The following PDE8A variants were observed in gnomAD, a reference collection of about 807,000 sequenced individuals.
The protein encoded by PDE8A is phosphodiesterase 8A, also known as high affinity cAMP-specific and IBMX-insensitive 3',5'-cyclic phosphodiesterase 8A.
Under a neutral mutation model 105.0 loss-of-function variants are expected in PDE8A, and 59 were observed. The observed-to-expected ratio is 0.56, with a 90% CI of 0.46 to 0.70. The LOEUF is 0.70. Among genes scored for constraint, PDE8A ranks in the 30% least tolerant of loss-of-function variants. The pLI is 0.00. For missense variants in PDE8A, 1,014 were observed against 1,045.9 expected (o/e 0.97, Z 0.42); for synonymous variants, 355 against 371.9 (o/e 0.95, Z 0.52).
chr15:85,096,289 C>T (rs1479302027), intron 8 of PDE8A, among the ~76,000 whole-genome samples: 1 of 151,798 alleles, frequency 6.6e-6, no homozygotes, highest in African/African-American at 2.4e-5. Context: ...TACAAGTCAC[C>T]CATTGAAAGT....
chr15:85,067,569 G>A lies in PDE8A; in HGVS notation c.434+365G>A, dbSNP rs547406159. 2.0e-5 allele frequency among the ~76,000 whole-genome samples: 3 copies of A among 152,180 alleles called. No homozygotes were observed. The South Asian group carries it at 6.2e-4, about 32-fold the overall frequency. On this transcript the variant is annotated intron_variant, in intron 3 of 21. Transcript: ENST00000394553. The stretch of plus-strand genomic sequence containing the variant: ...TTGTCTTTTAATGTTCGATGAATGG[G>A]CTTTATTTATTATACTTGCACCTTG...
At chr15:85,008,907 AG>A (rs1391534231) in intron 1 of PDE8A, among the ~76,000 whole-genome samples, 1 of 152,060 alleles carries the variant, frequency 6.6e-6, no homozygotes, top group African/African-American at 2.4e-5. Flanking sequence ...ATTCCACCTT[AG>A]TAAGCCTGTG....
intron 11 of PDE8A, among the ~76,000 whole-genome samples, chr15:85,105,129 G>A (rs894444595): frequency 6.6e-6 from 1 of 152,108 alleles, no homozygotes; most frequent in Non-Finnish European, 1.5e-5. Context: ...CAGGTGGTAT[G>A]GAATGGAACC....
intron 11 of PDE8A, among the ~76,000 whole-genome samples, chr15:85,107,418 G>A (rs947764938): frequency 6.6e-6 from 1 of 152,200 alleles, no homozygotes; most frequent in Non-Finnish European, 1.5e-5. Context: ...ACGATCGCTT[G>A]GCTGCCTGCA....
rs1365121052 is a variant in PDE8A at position 85,091,063 on chromosome 15, AAAC to A, written c.740_742del (p.Thr247del). 6.2e-7 allele frequency: 1 copy of A among 1,609,244 alleles called. No individual in the cohort carries two copies. The highest frequency in any genetic ancestry group is 1.1e-5 in the South Asian group (1 of 90,642). ...CTTCAGTATGCAAATCCTGCATTTG[AAAC>A]AACAATGGGCTATCAGTCAGGTGAA... On this transcript the variant is annotated inframe_deletion, in exon 8 of 22. Coordinates refer to ENST00000394553, the MANE Select transcript of PDE8A (RefSeq NM_002605.3).
intron 17 of PDE8A, among the ~76,000 whole-genome samples, chr15:85,118,409 C>A (rs914371494): frequency 6.6e-6 from 1 of 152,180 alleles, no homozygotes; most frequent in Admixed American, 6.5e-5. Context: ...TTCTCAGATT[C>A]ATCTCCTGCT....
rs901445896 is a variant in PDE8A at position 85,136,395 on chromosome 15, T to G, written c.2254-139T>G. The G allele has an allele frequency of 3.0e-5, 23 of 769,826 alleles. No homozygotes were observed. In the African/African-American group the frequency reaches 4.0e-4, roughly 13 times the overall value. 47.7% of individuals were successfully genotyped at this position (769,826 alleles called of 1,614,324 possible). On this transcript the variant is annotated intron_variant, in intron 20 of 21. Coordinates refer to ENST00000394553, the MANE Select transcript of PDE8A (RefSeq NM_002605.3). The stretch of plus-strand genomic sequence containing the variant: ...TATCTGTTATGAGACATGGTTTGGC[T>G]GCGTGAGGTGGTGATTGGCTTCTCA...
intron 8 of PDE8A, among the ~76,000 whole-genome samples, chr15:85,095,437 G>C (rs1023587578): frequency 6.6e-6 from 1 of 151,848 alleles, no homozygotes; most frequent in Admixed American, 6.6e-5. Context: ...TCTGCCTCTC[G>C]GGTTGAAGCA....
chr15:85,121,343 GGAGGCT>G (rs750500674), intron 18 of PDE8A, among the ~76,000 whole-genome samples: 16 of 142,048 alleles, frequency 1.1e-4, no homozygotes, highest in Non-Finnish European at 2.5e-4. Flanking sequence ...CTTGAGCCCA[GGAGGCT>G]GAGGCTGCGG....
chr15:85,061,061 T>C (rs974985844), intron 1 of PDE8A, among the ~76,000 whole-genome samples: 1 of 152,124 alleles, frequency 6.6e-6, no homozygotes, highest in Non-Finnish European at 1.5e-5. Context: ...GGAGATGTCT[T>C]AATTCCTCCC....
At position 85,123,109 on chromosome 15, in the gene PDE8A, C is replaced by T; in HGVS notation, c.2001C>T (p.Ala667=). ...AGGGGATTATCGACATGGTCTTAGC[C>T]ACAGAAATGACAAAGCACTTTGAGC... ...LRQGIIDMVL[A]TEMTKHFEHV... is the part of the protein sequence containing the mutation. The change falls in exon 19 of 22, where the codon GCC becomes GCT. Residue 667 remains alanine (A), a synonymous_variant. Coordinates refer to ENST00000394553, the MANE Select transcript of PDE8A (RefSeq NM_002605.3). The T allele has an allele frequency of 6.2e-7, 1 of 1,613,906 alleles. No homozygotes were observed. The highest frequency in any genetic ancestry group is 1.1e-5 in the South Asian group (1 of 91,070).
chr15:85,078,696 A>G (rs978344931), intron 5 of PDE8A, among the ~76,000 whole-genome samples: 3 of 152,192 alleles, frequency 2.0e-5, no homozygotes, highest in Non-Finnish European at 2.9e-5. Context: ...GATCCTCACA[A>G]GGAAATGCTA....
chr15:85,063,073 G>A (rs1476332667), intron 1 of PDE8A: 1 of 152,076 alleles, frequency 6.6e-6, no homozygotes, highest in Non-Finnish European at 1.5e-5. Context: ...CTCAGTCTTT[G>A]GTCTAGAATA....
intron 2 of PDE8A, 52 bp downstream of exon 2, chr15:85,064,478 G>A (rs758890048): frequency 4.3e-6 from 5 of 1,165,376 alleles, no homozygotes; most frequent in South Asian, 3.8e-5. Context: ...TTTAAAAAGG[G>A]TGGAGGTGGA....
At chr15:85,131,011 C>A (rs2141648377) in intron 20 of PDE8A, among the ~76,000 whole-genome samples, 1 of 152,332 alleles carries the variant, frequency 6.6e-6, no homozygotes. Flanking sequence ...CTCACCTCAA[C>A]CTCCCAAAGT....
At chr15:85,088,478 T>A (rs1567275980) in intron 6 of PDE8A, among the ~76,000 whole-genome samples, 1 of 152,284 alleles carries the variant, frequency 6.6e-6, no homozygotes, top group Non-Finnish European at 1.5e-5. Context: ...TTCCATTGTA[T>A]GGATATACCA....
rs182961297 is a variant in PDE8A at position 85,002,599 on chromosome 15, C to T, written c.186+20251C>T. ...ATTGGTTATCAGCTCAACTCTCAAC[C>T]CATTTCCTCTCCACTTGATCTTAGC... On this transcript the variant is annotated intron_variant, in intron 1 of 21. Coordinates refer to ENST00000394553, the MANE Select transcript of PDE8A (RefSeq NM_002605.3). 3.9e-4 allele frequency among the ~76,000 whole-genome samples: 60 copies of T among 152,340 alleles called. 1 individual carries two copies. The highest frequency in any genetic ancestry group is 3.5e-3 in the Admixed American group (53 of 15,310).
At chr15:85,069,642 C>T (rs1013381134) in intron 3 of PDE8A, among the ~76,000 whole-genome samples, 5 of 152,158 alleles carry the variant, frequency 3.3e-5, no homozygotes, top group African/African-American at 9.7e-5. Context: ...AGCATGGCTC[C>T]AGAACCGAAA....
chr15:85,099,805 T>G, intron 9 of PDE8A: 1 of 524,078 alleles, frequency 1.9e-6, no homozygotes, highest in Non-Finnish European at 3.3e-6. Context: ...ATTTTGTCAT[T>G]TTTACTGAAG....
Sources: gnomAD v4.1 joint callset for allele counts (sites outside exome capture counted in the v4.1 genomes callset) on GRCh38, gnomAD v4.1.1 for gene constraint, MANE v1.5 for transcripts, NCBI Gene and HGNC (gene_info 2026-07-23, HGNC 2026-07-21) for gene names.